Variants in SUPT16H observed in about 807,000 individuals in gnomAD.
The protein encoded by SUPT16H is SPT16 homolog, facilitates chromatin remodeling subunit, also known as FACT complex subunit SPT16.
Under a neutral mutation model 136.2 loss-of-function variants are expected in SUPT16H, and 24 were observed. The observed-to-expected ratio is 0.18, with a 90% CI of 0.13 to 0.25. SUPT16H has a LOEUF of 0.25. Ranked by LOEUF, SUPT16H falls within the 10% of genes least tolerant of loss-of-function variation. The probability of loss-of-function intolerance (pLI) is 1.00; values close to 1 mark genes in which losing one functional copy is unlikely to be tolerated. For synonymous variants in SUPT16H, 415 were observed against 428.2 expected (o/e 0.97, Z 0.38); for missense variants, 623 against 1,270.2 (o/e 0.49, Z 7.74).
chr14:21,365,186 C>CT, intron 8 of SUPT16H, 43 bp from the exon 9 acceptor site: 1 of 1,543,172 alleles, frequency 6.5e-7, no homozygotes, highest in African/African-American at 1.4e-5. Context: ...CTAAAGATCT[C>CT]TAACATGGAT....
chr14:21,380,973 C>T (rs1391693617), intron 1 of SUPT16H, among the ~76,000 whole-genome samples: 2 of 151,470 alleles, frequency 1.3e-5, no homozygotes, highest in Non-Finnish European at 2.9e-5. Context: ...AACATGCAGC[C>T]CATTTCCAGG....
chr14:21,359,992 T>G lies in SUPT16H; in HGVS notation c.2176-383A>C, dbSNP rs546736843. 3.9e-5 allele frequency among the ~76,000 whole-genome samples: 6 copies of G among 152,330 alleles called. No homozygotes were observed. In the East Asian group the frequency reaches 1.2e-3, roughly 29 times the overall value. On this transcript the variant is annotated intron_variant, in intron 18 of 25. Coordinates refer to ENST00000216297, the MANE Select transcript of SUPT16H (RefSeq NM_007192.4). ...TGGCCTTTAGAGGCATTATTTTATT[T>G]AATCCTCTTAAATGTTCTTAAGTGA...
intron 1 of SUPT16H, among the ~76,000 whole-genome samples, chr14:21,379,500 A>G (rs1886974460): frequency 1.3e-5 from 2 of 152,040 alleles, no homozygotes; most frequent in African/African-American, 4.8e-5. Context: ...ATATTTAAAA[A>G]AAAATCTCAA....
intron 1 of SUPT16H, among the ~76,000 whole-genome samples, chr14:21,377,734 G>A (rs1327744193): frequency 2.0e-5 from 3 of 152,012 alleles, no homozygotes; most frequent in Admixed American, 6.6e-5. Flanking sequence ...AGCGATTCTC[G>A]TGCCTCAGCC....
At chr14:21,370,615 C>A in intron 3 of SUPT16H, 127 bp from the exon 4 acceptor site, 1 of 1,041,868 alleles carries the variant, frequency 9.6e-7, no homozygotes, top group Non-Finnish European at 1.4e-6. Flanking sequence ...TCCCCACCTA[C>A]TTTTTACTTT....
In SUPT16H at chr14:21,352,754, C is replaced by G; in HGVS notation, c.3063G>C (p.Lys1021Asn). Residue 1021 changes from lysine (K) to asparagine (N), a missense_variant, in exon 26 of 26, where the codon AAG (lysine) becomes AAC (asparagine). By Grantham distance (94) the Lys-to-Asn change is moderately conservative. This residue lies in a region of SUPT16H where 88 missense variants were observed against 135.5 expected (regional missense o/e 0.65). Transcript: ENST00000216297. Reference sequence around the variant, plus strand: ...CACGGCCCGAACTGTGCACAGATGCCTTCCTCTTCCGGCTCATACTTCGAC... The same window carrying G: ...CACGGCCCGAACTGTGCACAGATGCGTTCCTCTTCCGGCTCATACTTCGAC... ...EQSRSMSRKR[K>N]ASVHSSGRGS... The G allele has an allele frequency of 6.2e-7, 1 of 1,614,034 alleles. No homozygotes were observed. The highest frequency in any genetic ancestry group is 8.5e-7 in the Non-Finnish European group (1 of 1,179,998).
Position 21,369,455 on chromosome 14 carries a change from T to A in SUPT16H, c.631-100A>T, listed in dbSNP as rs1886740786. On this transcript the variant is annotated intron_variant, in intron 5 of 25. Transcript: ENST00000216297. ...AAGACAAAATGTATCCTTGTATAAG[T>A]CTTAGGAAATGATTTATGCGCCAGG... 2.7e-6 allele frequency: 4 copies of A among 1,470,186 alleles called. No individual in the cohort carries two copies. The South Asian group carries it at 5.1e-5, about 19-fold the overall frequency. The allele number at this position is 1,470,186 out of a possible 1,614,324, so 91.1% of individuals were successfully genotyped here.
At position 21,368,427 on chromosome 14, in the gene SUPT16H, A is replaced by G. The variant is rs749985907; in HGVS notation, c.797T>C (p.Met266Thr). 12 of 1,608,596 alleles carry G rather than the reference A, an allele frequency of 7.5e-6. No individual in the cohort carries two copies. Among genetic ancestry groups the G allele is most frequent in the Non-Finnish European group, 6.8e-6 (8 of 1,178,268 alleles). ...KFSVVSDKNHMHFGAITCAMG... is the reference protein window; with the variant it reads ...KFSVVSDKNHTHFGAITCAMG... ...GGCACAAGTGATAGCCCCAAAGTGC[A>G]TATGATTCTTGTCACTAGAGACCAA... is the stretch of plus-strand genomic sequence containing the variant. Residue 266 changes from methionine (M) to threonine (T), a missense_variant, in exon 7 of 26, where the codon ATG (methionine) becomes ACG (threonine). Physicochemically the swap from Met to Thr is moderately conservative, Grantham distance 81 (BLOSUM62 -1). Transcript: ENST00000216297.
At chr14:21,383,526 C>T in intron 1 of SUPT16H, 1 of 654,830 alleles carries the variant, frequency 1.5e-6, no homozygotes, top group Non-Finnish European at 2.8e-6. Context: ...CGTGAGAACA[C>T]GGCAGGGGAG....
chr14:21,352,560 A>G lies in SUPT16H; in HGVS notation c.*113T>C. The G allele has an allele frequency of 1.3e-6, 2 of 1,553,330 alleles. No homozygotes were observed. The highest frequency in any genetic ancestry group is 1.7e-6 in the Non-Finnish European group (2 of 1,149,670). ...CAAATGGCCCCCTAAACCCATAAAC[A>G]CAAATGGCAAAACTTCAAATGAAAA... On this transcript the variant is annotated 3_prime_UTR_variant, in exon 26 of 26. Transcript: ENST00000216297.
At chr14:21,363,621 A>G (rs756019169) in intron 10 of SUPT16H, 118 bp from the exon 11 acceptor site, 1 of 846,540 alleles carries the variant, frequency 1.2e-6, no homozygotes, top group Non-Finnish European at 1.9e-6. Flanking sequence ...TTGACAATGA[A>G]TAAATATAGT....
chr14:21,361,294 G>A, intron 15 of SUPT16H, 81 bp from the exon 16 acceptor site: 1 of 1,294,636 alleles, frequency 7.7e-7, no homozygotes, highest in Non-Finnish European at 1.1e-6. Context: ...CTTCTAAGCA[G>A]CTTAATCTCT....
At position 21,369,453 on chromosome 14, in the gene SUPT16H, A is replaced by T. The variant is rs1425523414; in HGVS notation, c.631-98T>A. ...TGAAGACAAAATGTATCCTTGTATA[A>T]GTCTTAGGAAATGATTTATGCGCCA... On this transcript the variant is annotated intron_variant, in intron 5 of 25. Transcript: ENST00000216297. 2.0e-5 allele frequency: 29 copies of T among 1,479,524 alleles called. No individual in the cohort carries two copies. The East Asian group carries it at 6.6e-4, about 34-fold the overall frequency. The allele number at this position is 1,479,524 out of a possible 1,614,324, so 91.6% of individuals were successfully genotyped here.
intron 14 of SUPT16H, among the ~76,000 whole-genome samples, 195 bp from the exon 15 acceptor site, chr14:21,362,519 C>G (rs1886578380): frequency 6.6e-6 from 1 of 152,064 alleles, no homozygotes; most frequent in African/African-American, 2.4e-5. Flanking sequence ...TCTCAAAGTA[C>G]CTTGTACCAT....
At chr14:21,371,460 C>T (rs1243959191) in intron 3 of SUPT16H, among the ~76,000 whole-genome samples, 1 of 152,122 alleles carries the variant, frequency 6.6e-6, no homozygotes, top group Non-Finnish European at 1.5e-5. Context: ...AACTCAAACA[C>T]ATAAGTGAAC....
At chr14:21,383,528 G>A in intron 1 of SUPT16H, 2 of 656,792 alleles carry the variant, frequency 3.0e-6, no homozygotes, top group Admixed American at 4.6e-5. Flanking sequence ...TGAGAACACG[G>A]CAGGGGAGGG....
chr14:21,383,179 AACTGCC>A (rs1236870313), intron 1 of SUPT16H: 1 of 160,334 alleles, frequency 6.2e-6, no homozygotes, highest in Admixed American at 6.4e-5. Context: ...AAAAACTGGG[AACTGCC>A]ACAGCTCTTT....
At chr14:21,378,423 A>G (rs1194542027) in intron 1 of SUPT16H, among the ~76,000 whole-genome samples, 1 of 152,234 alleles carries the variant, frequency 6.6e-6, no homozygotes, top group Non-Finnish European at 1.5e-5. Flanking sequence ...ATGAACATAA[A>G]CAATGTAAAT....
intron 1 of SUPT16H, among the ~76,000 whole-genome samples, chr14:21,381,018 C>A (rs2139421421): frequency 6.6e-6 from 1 of 151,990 alleles, no homozygotes; most frequent in Non-Finnish European, 1.5e-5. Context: ...TCTAATAATA[C>A]AGAGAAGGTG....
Sources: allele counts gnomAD v4.1 joint callset (sites outside exome capture counted in the v4.1 genomes callset), GRCh38; gene constraint gnomAD v4.1.1; regional missense constraint gnomAD v4.1.1; transcripts MANE v1.5; gene names NCBI Gene and HGNC (gene_info 2026-07-23, HGNC 2026-07-21).